Variants in AGBL1 observed in about 807,000 individuals in gnomAD.
The protein encoded by AGBL1 is AGBL carboxypeptidase 1.
AGBL1 carries 130 observed loss-of-function variants against 118.9 expected under a neutral mutation model. The ratio of observed to expected loss-of-function variants is 1.09; its 90% CI spans 0.95 to 1.26. The LOEUF (loss-of-function observed/expected upper bound fraction) is 1.26, where lower values mean the gene tolerates loss of function less well. Ranked by LOEUF, AGBL1 falls within the 50% of genes most tolerant of loss-of-function variation. The pLI, the probability that AGBL1 is intolerant of heterozygous loss-of-function variation, is 0.00. For missense variants in AGBL1, 1,584 were observed against 1,298.1 expected (o/e 1.22, Z -3.38); for synonymous variants, 555 against 478.9 (o/e 1.16, Z -2.08).
At chr15:86,442,577 G>T (rs10438408) in intron 18 of AGBL1, among the ~76,000 whole-genome samples, 1 of 152,010 alleles carries the variant, frequency 6.6e-6, no homozygotes, top group Non-Finnish European at 1.5e-5. Flanking sequence ...TTGGTAAGCC[G>T]CTTTCTCTTC....
intron 18 of AGBL1, among the ~76,000 whole-genome samples, chr15:86,511,867 A>G (rs2083056229): frequency 6.6e-6 from 1 of 152,026 alleles, no homozygotes; most frequent in South Asian, 2.1e-4. Context: ...ATATTAAATG[A>G]AATATATAAT....
At chr15:87,012,192 TAC>T (rs57985975) in intron 24 of AGBL1, among the ~76,000 whole-genome samples, 10,804 of 142,642 alleles carry the variant, frequency 0.076, 437 homozygotes, top group Middle Eastern at 0.18. Context: ...TACAAATTTA[TAC>T]ACACACACAC....
chr15:86,821,901 G>A (rs942129191), intron 22 of AGBL1, among the ~76,000 whole-genome samples: 4 of 152,150 alleles, frequency 2.6e-5, no homozygotes, highest in African/African-American at 9.7e-5. Context: ...CTAGGCATGG[G>A]ATTTAACCAA....
chr15:86,251,647 A>G (rs146961219), intron 7 of AGBL1, among the ~76,000 whole-genome samples: 54 of 152,062 alleles, frequency 3.6e-4, no homozygotes, highest in African/African-American at 1.3e-3. Context: ...TGGTGACCCT[A>G]CCTCTCTGTT....
At chr15:86,698,410 C>T (rs1235753332) in intron 22 of AGBL1, among the ~76,000 whole-genome samples, 1 of 151,950 alleles carries the variant, frequency 6.6e-6, no homozygotes, top group Non-Finnish European at 1.5e-5. Flanking sequence ...CACTTTGCCT[C>T]AGTACGAATA....
intron 23 of AGBL1, among the ~76,000 whole-genome samples, chr15:86,937,668 G>A (rs952927055): frequency 4.6e-5 from 7 of 152,124 alleles, no homozygotes; most frequent in African/African-American, 1.7e-4. Context: ...ATGGAAGGAG[G>A]GAGAGGAGCA....
chr15:86,554,293 C>A, intron 20 of AGBL1, 68 bp from the exon 21 acceptor site: 1 of 1,313,568 alleles, frequency 7.6e-7, no homozygotes, highest in Non-Finnish European at 1.0e-6. Flanking sequence ...TGTTGAGAAG[C>A]TATTTTTATG....
At chr15:86,271,800 C>T in intron 15 of AGBL1, 94 bp downstream of exon 15, 1 of 1,175,994 alleles carries the variant, frequency 8.5e-7, no homozygotes, top group Non-Finnish European at 1.3e-6. Context: ...CATCAGCAAT[C>T]TGTGCTTGTC....
intron 5 of AGBL1, among the ~76,000 whole-genome samples, chr15:86,196,732 G>A (rs2077809087): frequency 6.6e-6 from 1 of 152,068 alleles, no homozygotes; most frequent in Admixed American, 6.6e-5. Context: ...TTTTAAGATG[G>A]GGTCTTTAGG....
At chr15:86,293,458 T>A (rs71399820) in intron 16 of AGBL1, among the ~76,000 whole-genome samples, 7,109 of 152,242 alleles carry the variant, frequency 0.047, 201 homozygotes, top group South Asian at 0.075. Context: ...ACTGAGGTCT[T>A]ATGGGGCCAG....
In AGBL1 at chr15:86,848,192, C is replaced by T. The variant is rs565429224; in HGVS notation, c.3159-58895C>T. 2.0e-5 allele frequency among the ~76,000 whole-genome samples: 3 copies of T among 152,268 alleles called. No homozygotes were observed. The East Asian group carries it at 5.8e-4, about 29-fold the overall frequency. Reference sequence around the variant, plus strand: ...CAAGAATGCCAGACTTCCCATTTTCCCACCAGAAGTTCAGTATTGTTTTAA... The same window carrying T: ...CAAGAATGCCAGACTTCCCATTTTCTCACCAGAAGTTCAGTATTGTTTTAA... On this transcript the variant is annotated intron_variant, in intron 22 of 22. Transcript: ENST00000614907.
intron 17 of AGBL1, among the ~76,000 whole-genome samples, chr15:86,327,144 G>A (rs146502329): frequency 1.3e-5 from 2 of 152,214 alleles, no homozygotes; most frequent in East Asian, 3.9e-4. Context: ...ATGTGGATGG[G>A]TACTTTTCCC....
intron 24 of AGBL1, among the ~76,000 whole-genome samples, chr15:87,002,761 A>G (rs11852343): frequency 0.011 from 1,627 of 152,310 alleles, 25 homozygotes; most frequent in African/African-American, 0.038. Flanking sequence ...GAGTTCACTC[A>G]TGATTTGGCT....
chr15:86,867,710 G>A (rs1272901360), intron 22 of AGBL1, among the ~76,000 whole-genome samples: 1 of 152,068 alleles, frequency 6.6e-6, no homozygotes, highest in Non-Finnish European at 1.5e-5. Context: ...ATGGCACTGT[G>A]CAAAAATAAA....
intron 22 of AGBL1, among the ~76,000 whole-genome samples, chr15:86,865,346 T>C (rs1215299051): frequency 1.3e-5 from 2 of 152,216 alleles, no homozygotes; most frequent in African/African-American, 4.8e-5. Flanking sequence ...CCATTTTGAC[T>C]CAAAGCCCCA....
chr15:86,693,364 ATTT>A (rs1190481771), intron 22 of AGBL1, among the ~76,000 whole-genome samples: 1 of 151,974 alleles, frequency 6.6e-6, no homozygotes, highest in African/African-American at 2.4e-5. Context: ...GATGCTAAGC[ATTT>A]TTTCATATGT....
intron 23 of AGBL1, among the ~76,000 whole-genome samples, chr15:86,940,405 C>T (rs763389896): frequency 1.1e-4 from 17 of 152,026 alleles, no homozygotes; most frequent in African/African-American, 2.4e-4. Flanking sequence ...GTCCAAGAAA[C>T]GTAATCTCTC....
intron 22 of AGBL1, among the ~76,000 whole-genome samples, chr15:86,837,106 G>T (rs1365907045): frequency 1.3e-5 from 2 of 151,882 alleles, no homozygotes; most frequent in Non-Finnish European, 2.9e-5. Context: ...ATGAATGAAT[G>T]CATGAAACTA....
chr15:86,892,003 C>G (rs925165516), intron 22 of AGBL1, among the ~76,000 whole-genome samples: 1 of 152,210 alleles, frequency 6.6e-6, no homozygotes, highest in African/African-American at 2.4e-5. Flanking sequence ...ACCATACTCT[C>G]AGTGAACCAG....
Sources: allele counts gnomAD v4.1 joint callset (sites outside exome capture counted in the v4.1 genomes callset), GRCh38; gene constraint gnomAD v4.1.1; transcripts MANE v1.5; gene names NCBI Gene and HGNC (gene_info 2026-07-23, HGNC 2026-07-21).